The following CDH13 variants were observed in gnomAD, a reference collection of about 807,000 sequenced individuals.
The protein encoded by CDH13 is cadherin 13.
Under a neutral mutation model 63.8 loss-of-function variants are expected in CDH13, and 24 were observed. That is an observed-to-expected ratio of 0.38 (90% CI 0.27 to 0.53). The LOEUF is 0.53. Among genes scored for constraint, CDH13 ranks in the 20% least tolerant of loss-of-function variants. CDH13 has a pLI of 0.85. For missense variants in CDH13, 1,049 were observed against 903.1 expected (o/e 1.16, Z -2.07); for synonymous variants, 503 against 355.3 (o/e 1.42, Z -4.67).
At chr16:83,416,212 C>G (rs189492459) in intron 6 of CDH13, among the ~76,000 whole-genome samples, 3 of 152,278 alleles carry the variant, frequency 2.0e-5, no homozygotes, top group African/African-American at 7.2e-5. Flanking sequence ...GACATGTATT[C>G]TGAAAACTAC....
At chr16:83,421,038 T>C (rs1006987890) in intron 6 of CDH13, among the ~76,000 whole-genome samples, 13 of 152,176 alleles carry the variant, frequency 8.5e-5, no homozygotes, top group African/African-American at 2.4e-4. Context: ...TGGGTCTTTC[T>C]CTCCCTGTCC....
At chr16:83,171,629 C>G in intron 4 of CDH13, 1 of 1,363,440 alleles carries the variant, frequency 7.3e-7, no homozygotes, top group South Asian at 1.2e-5. Flanking sequence ...GTTTGTGTCT[C>G]CAATTTCCTA....
chr16:83,662,609 G>A (rs926078831), intron 8 of CDH13, among the ~76,000 whole-genome samples: 1 of 152,150 alleles, frequency 6.6e-6, no homozygotes, highest in African/African-American at 2.4e-5. Context: ...AGACAGGCAT[G>A]TGGGGGGTAT....
intron 6 of CDH13, among the ~76,000 whole-genome samples, chr16:83,377,086 C>T (rs906245088): frequency 6.6e-6 from 1 of 152,160 alleles, no homozygotes; most frequent in Non-Finnish European, 1.5e-5. Flanking sequence ...CCCTGGCTGA[C>T]CTCATGAGAA....
chr16:83,428,124 G>T (rs1042580868), intron 6 of CDH13, among the ~76,000 whole-genome samples: 1 of 152,198 alleles, frequency 6.6e-6, no homozygotes, highest in African/African-American at 2.4e-5. Context: ...GCTAGTAGCA[G>T]CATTTGAATA....
intron 8 of CDH13, among the ~76,000 whole-genome samples, chr16:83,663,003 T>A (rs1214317525): frequency 6.6e-6 from 1 of 152,244 alleles, no homozygotes; most frequent in Non-Finnish European, 1.5e-5. Flanking sequence ...ATTTCTCCAT[T>A]CTTTTGCTTC....
chr16:83,020,680 A>G (rs540949975), intron 2 of CDH13, among the ~76,000 whole-genome samples: 1 of 152,310 alleles, frequency 6.6e-6, no homozygotes, highest in African/African-American at 2.4e-5. Context: ...CTAGGAAACC[A>G]ATATTGTGTT....
At chr16:83,625,524 G>A (rs1910219940) in intron 8 of CDH13, among the ~76,000 whole-genome samples, 1 of 152,144 alleles carries the variant, frequency 6.6e-6, no homozygotes, top group African/African-American at 2.4e-5. Flanking sequence ...CCCATGACAG[G>A]GCTGTCTGCT....
At chr16:82,812,105 C>G (rs1943196354) in intron 1 of CDH13, among the ~76,000 whole-genome samples, 1 of 152,134 alleles carries the variant, frequency 6.6e-6, no homozygotes, top group Admixed American at 6.6e-5. Flanking sequence ...TGTATTCACA[C>G]TGCTTCCCCT....
intron 1 of CDH13, among the ~76,000 whole-genome samples, chr16:82,816,933 G>T (rs759604655): frequency 2.0e-5 from 3 of 151,858 alleles, no homozygotes; most frequent in Non-Finnish European, 4.4e-5. Context: ...ATTCAGGAGC[G>T]GACAGAAAAC....
intron 11 of CDH13, among the ~76,000 whole-genome samples, chr16:83,758,787 G>A (rs963449975): frequency 5.3e-5 from 8 of 152,146 alleles, no homozygotes; most frequent in Admixed American, 4.6e-4. Flanking sequence ...AATATCATCA[G>A]AAACACCAAA....
chr16:83,049,323 C>CACTTTT lies in CDH13; in HGVS notation c.366+17105_366+17106insACTTTT, dbSNP rs1192950905. Among the ~76,000 whole-genome samples the CACTTTT allele has an allele frequency of 4.6e-4, 32 of 68,986 alleles. 10 individuals are homozygous for CACTTTT. The highest frequency in any genetic ancestry group is 3.6e-4 in the Non-Finnish European group (12 of 33,126). The allele number at this position is 68,986 out of a possible 152,430, so 45.3% of individuals were successfully genotyped here. On this transcript the variant is annotated intron_variant, in intron 3 of 13. Transcript: ENST00000567109. ...CAATACTTGGGCATTTATGACTGGC[C>CACTTTT]TCTTTTTTTTTTTTTTTTTTTTTGA...
intron 1 of CDH13, among the ~76,000 whole-genome samples, chr16:82,762,698 T>C (rs1255709807): frequency 6.6e-6 from 1 of 152,146 alleles, no homozygotes; most frequent in African/African-American, 2.4e-5. Context: ...CTGGAGGGGT[T>C]CCCTGGAATG....
chr16:82,986,068 T>C (rs1019080347), intron 2 of CDH13, among the ~76,000 whole-genome samples: 1 of 152,212 alleles, frequency 6.6e-6, no homozygotes, highest in Non-Finnish European at 1.5e-5. Flanking sequence ...TCTCACGTAC[T>C]TCTATATAGT....
At chr16:83,452,034 A>C (rs752975942) in intron 6 of CDH13, among the ~76,000 whole-genome samples, 22 of 152,236 alleles carry the variant, frequency 1.4e-4, no homozygotes, top group Non-Finnish European at 2.5e-4. Flanking sequence ...CCTTTGTGCC[A>C]AATTGAGCCT....
chr16:82,989,692 T>C (rs1246062726), intron 2 of CDH13, among the ~76,000 whole-genome samples: 4 of 152,218 alleles, frequency 2.6e-5, no homozygotes, highest in Non-Finnish European at 5.9e-5. Context: ...AGGTGCAGGG[T>C]ATTGCCTGCT....
At chr16:83,215,747 A>G (rs917827734) in intron 4 of CDH13, among the ~76,000 whole-genome samples, 3 of 152,160 alleles carry the variant, frequency 2.0e-5, no homozygotes, top group Non-Finnish European at 4.4e-5. Context: ...GTATGTGTCA[A>G]CAGGTGCCTG....
rs139921867 is a variant in CDH13 at position 83,331,715 on chromosome 16, T to C, written c.637-13147T>C. On this transcript the variant is annotated intron_variant, in intron 5 of 13. Transcript: ENST00000567109. Reference sequence around the variant, plus strand: ...CCTTTATTTTTTAAAAATTGCATTATGTATACACTAGTTTTAGTCAGAATT... The same window carrying C: ...CCTTTATTTTTTAAAAATTGCATTACGTATACACTAGTTTTAGTCAGAATT... Among the ~76,000 whole-genome samples, 1,247 of 152,330 alleles carry C rather than the reference T, an allele frequency of 8.2e-3. 8 individuals are homozygous for C. The highest frequency in any genetic ancestry group is 0.011 in the Non-Finnish European group (741 of 68,016).
intron 11 of CDH13, among the ~76,000 whole-genome samples, chr16:83,767,725 C>G (rs961709058): frequency 6.6e-6 from 1 of 152,126 alleles, no homozygotes; most frequent in African/African-American, 2.4e-5. Flanking sequence ...AAACATTATG[C>G]TAAGTGAAAG....
Sources: allele counts gnomAD v4.1 joint callset (sites outside exome capture counted in the v4.1 genomes callset), GRCh38; gene constraint gnomAD v4.1.1; transcripts MANE v1.5; gene names NCBI Gene and HGNC (gene_info 2026-07-23, HGNC 2026-07-21).